The following ARHGAP8 variants were observed in gnomAD, a reference collection of about 807,000 sequenced individuals.
The protein encoded by ARHGAP8 is rho GTPase-activating protein 8.
A neutral mutation model predicts 46.1 loss-of-function variants in ARHGAP8; 62 were observed. That is an observed-to-expected ratio of 1.34 (90% CI 1.10 to 1.66). The LOEUF (loss-of-function observed/expected upper bound fraction) is 1.66, where lower values mean the gene tolerates loss of function less well. Ranked by LOEUF, ARHGAP8 falls within the 40% of genes most tolerant of loss-of-function variation. The pLI is 0.00. For synonymous variants in ARHGAP8, 375 were observed against 243.1 expected (o/e 1.54, Z -5.05); for missense variants, 923 against 568.4 (o/e 1.62, Z -6.34).
chr22:44,824,278 C>T (rs887769535), intron 6 of ARHGAP8, among the ~76,000 whole-genome samples: 1 of 152,208 alleles, frequency 6.6e-6, no homozygotes, highest in Non-Finnish European at 1.5e-5. Flanking sequence ...CATGAGGGAC[C>T]GAGACATCTC....
intron 7 of ARHGAP8, 75 bp downstream of exon 7, chr22:44,825,668 A>G: frequency 4.0e-6 from 6 of 1,493,044 alleles, no homozygotes; most frequent in South Asian, 2.5e-5. Context: ...GGGTCCAGAA[A>G]TATTTTCCCC....
At chr22:44,787,047 A>AAAAAAAAC (rs796358176) in intron 2 of ARHGAP8, among the ~76,000 whole-genome samples, 3,078 of 145,408 alleles carry the variant, frequency 0.021, 47 homozygotes, top group Non-Finnish European at 0.034. Context: ...CAAAAAAAAA[A>AAAAAAAAC]AAAAGAAAGA....
intron 1 of ARHGAP8, among the ~76,000 whole-genome samples, chr22:44,759,581 C>T (rs759659870): frequency 4.6e-5 from 7 of 152,228 alleles, no homozygotes; most frequent in South Asian, 2.1e-4. Flanking sequence ...TGCAGAGGGG[C>T]GGCAAGTTGG....
intron 4 of ARHGAP8, among the ~76,000 whole-genome samples, chr22:44,813,463 A>G (rs978775646): frequency 8.6e-6 from 1 of 115,714 alleles, no homozygotes; most frequent in African/African-American, 3.5e-5. Flanking sequence ...CCTACAGTAC[A>G]TACACCCACA....
chr22:44,842,672 C>T (rs925196058), intron 7 of ARHGAP8, among the ~76,000 whole-genome samples: 1 of 152,138 alleles, frequency 6.6e-6, no homozygotes, highest in African/African-American at 2.4e-5. Context: ...GGCCAGCTGG[C>T]ACTGGCAGGC....
intron 1 of ARHGAP8, among the ~76,000 whole-genome samples, chr22:44,776,284 C>G (rs986644591): frequency 2.0e-5 from 3 of 152,110 alleles, no homozygotes; most frequent in African/African-American, 7.2e-5. Context: ...AACCCAGTCT[C>G]TACTAAAAAT....
chr22:44,815,645 G>T (rs149182286), intron 5 of ARHGAP8, among the ~76,000 whole-genome samples: 2 of 152,130 alleles, frequency 1.3e-5, no homozygotes, highest in Non-Finnish European at 2.9e-5. Context: ...GGCAGCCACA[G>T]CCCGGAAATG....
chr22:44,808,685 C>T lies in ARHGAP8; in HGVS notation c.299+247C>T, dbSNP rs1333657316. On this transcript the variant is annotated intron_variant, in intron 4 of 11. Transcript: ENST00000356099. ...CTTTTTTTTAAGAGACGGTCTCACC[C>T]AGCCACCATGGCTCACACCTGTAAT... 4.3e-6 allele frequency: 3 copies of T among 693,806 alleles called. No individual in the cohort carries two copies. The Admixed American group carries it at 6.4e-5, about 15-fold the overall frequency. 43.0% of individuals were successfully genotyped at this position (693,806 alleles called of 1,614,324 possible).
chr22:44,802,676 C>A (rs1048009219), intron 3 of ARHGAP8, among the ~76,000 whole-genome samples: 1 of 152,154 alleles, frequency 6.6e-6, no homozygotes, highest in Non-Finnish European at 1.5e-5. Flanking sequence ...AAGGTCAAGG[C>A]AGCGGCAGGG....
chr22:44,808,451 A>G lies in ARHGAP8; in HGVS notation c.299+13A>G, dbSNP rs763757406. 1 of 1,613,442 alleles carries G rather than the reference A, an allele frequency of 6.2e-7. No homozygotes were observed. Among genetic ancestry groups the G allele is most frequent in the Non-Finnish European group, 8.5e-7 (1 of 1,179,746 alleles). ...AGTTCGATAGGAAGTACGTGCCCGC[A>G]AGCCTTCAGGGACGTGGGTGTGGGC... On this transcript the variant is annotated intron_variant, in intron 4 of 11. Transcript: ENST00000356099.
At chr22:44,792,497 C>A (rs1238949484) in intron 2 of ARHGAP8, among the ~76,000 whole-genome samples, 1 of 152,200 alleles carries the variant, frequency 6.6e-6, no homozygotes, top group African/African-American at 2.4e-5. Flanking sequence ...CCCAGGGGGA[C>A]AGTTCAGGAC....
intron 1 of ARHGAP8, among the ~76,000 whole-genome samples, chr22:44,780,758 A>C (rs549080704): frequency 6.6e-6 from 1 of 152,338 alleles, no homozygotes; most frequent in East Asian, 1.9e-4. Flanking sequence ...CCATTAGTCC[A>C]TGTTTTATCT....
rs900498727 is a variant in ARHGAP8, at chr22:44,846,413, G to A, written c.670+1071G>A. Among the ~76,000 whole-genome samples, 7 of 152,182 alleles carry A rather than the reference G, an allele frequency of 4.6e-5. No homozygotes were observed. In the East Asian group the frequency reaches 9.6e-4, roughly 21 times the overall value. On this transcript the variant is annotated intron_variant, in intron 8 of 11. Coordinates refer to ENST00000356099, the MANE Select transcript of ARHGAP8 (RefSeq NM_181335.3). ...GTGCCCAGGAAATGTGCTTTGGCAC[G>A]AGAGTCCATGCACATGGGGGTGGCA...
chr22:44,808,815 A>G, intron 4 of ARHGAP8: 1 of 372,850 alleles, frequency 2.7e-6, no homozygotes, highest in Non-Finnish European at 5.2e-6. Flanking sequence ...AATACAAAAA[A>G]AAAAAAACCA....
At chr22:44,862,032 G>A (rs1363012930) in intron 11 of ARHGAP8, among the ~76,000 whole-genome samples, 2 of 152,324 alleles carry the variant, frequency 1.3e-5, no homozygotes, top group East Asian at 1.9e-4. Context: ...GGTTGAGGCT[G>A]TCACAGAAGG....
chr22:44,845,759 T>A (rs1369495462), intron 8 of ARHGAP8, among the ~76,000 whole-genome samples: 1 of 152,000 alleles, frequency 6.6e-6, no homozygotes, highest in East Asian at 1.9e-4. Context: ...GCCAGTAGGG[T>A]GGGTGCAGTC....
chr22:44,861,105 G>C (rs990630978), intron 11 of ARHGAP8, among the ~76,000 whole-genome samples: 2 of 152,186 alleles, frequency 1.3e-5, no homozygotes, highest in Non-Finnish European at 2.9e-5. Context: ...CCACGTAGCT[G>C]GGATTACAGG....
At chr22:44,789,674 G>T (rs908168647) in intron 2 of ARHGAP8, among the ~76,000 whole-genome samples, 5 of 150,482 alleles carry the variant, frequency 3.3e-5, no homozygotes, top group Admixed American at 1.3e-4. Flanking sequence ...AATTTTCTTG[G>T]TTTTTTTGTA....
chr22:44,786,468 G>C lies in ARHGAP8; in HGVS notation c.-60G>C, dbSNP rs775364578. 6 of 1,604,452 alleles carry C rather than the reference G, an allele frequency of 3.7e-6. No homozygotes were observed. The East Asian group carries it at 1.1e-4, about 30-fold the overall frequency. On this transcript the variant is annotated 5_prime_UTR_variant, in exon 2 of 12. Coordinates refer to ENST00000356099, the MANE Select transcript of ARHGAP8 (RefSeq NM_181335.3). Reference sequence around the variant, plus strand: ...CTTCTTTGCCGCAGAGCTGCAGAGAGACAAGGCGGCGGCGGCTGCTGTGCT... The same window carrying C: ...CTTCTTTGCCGCAGAGCTGCAGAGACACAAGGCGGCGGCGGCTGCTGTGCT...
Sources: gnomAD v4.1 joint callset for allele counts (sites outside exome capture counted in the v4.1 genomes callset) on GRCh38, gnomAD v4.1.1 for gene constraint, MANE v1.5 for transcripts, NCBI Gene and HGNC (gene_info 2026-07-23, HGNC 2026-07-21) for gene names.